Variants in TSC22D3 observed in about 807,000 individuals in gnomAD.
The protein encoded by TSC22D3 is TSC22 domain family member 3.
In TSC22D3, 4 loss-of-function variants were observed where a neutral mutation model predicts 11.1. That is an observed-to-expected ratio of 0.36 (90% CI 0.18 to 0.83). The LOEUF (loss-of-function observed/expected upper bound fraction) is 0.83, where lower values mean the gene tolerates loss of function less well. TSC22D3 is among the 40% of genes least tolerant of loss of function. TSC22D3 has a pLI of 0.48. For missense variants in TSC22D3, 118 were observed against 159.4 expected, an observed-to-expected ratio of 0.74 and a Z score of 1.40; for synonymous variants, 77 against 70.3, an observed-to-expected ratio of 1.10 and a Z score of -0.48.
At chrX:107,737,709 A>C (rs1928209247) in intron 1 of TSC22D3, among the ~76,000 whole-genome samples, 1 of 111,966 alleles carries the variant, frequency 8.9e-6, no homozygotes, top group African/African-American at 3.3e-5. Context: ...GATTCATTTG[A>C]CAAAAATTTA....
At chrX:107,752,605 C>G (rs1005277948) in intron 1 of TSC22D3, among the ~76,000 whole-genome samples, 8 of 111,990 alleles carry the variant, frequency 7.1e-5, no homozygotes. Flanking sequence ...TGGACTTTCT[C>G]GTAGCCTGTC....
intron 1 of TSC22D3, among the ~76,000 whole-genome samples, chrX:107,757,018 G>A (rs1929209204): frequency 8.9e-6 from 1 of 112,352 alleles, no homozygotes; most frequent in South Asian, 3.6e-4. Context: ...AGACAAAAGA[G>A]GCCTTCAGTG....
chrX:107,726,814 T>C (rs1927651337), intron 1 of TSC22D3, among the ~76,000 whole-genome samples: 1 of 111,225 alleles, frequency 9.0e-6, no homozygotes, highest in East Asian at 2.8e-4. Context: ...CCAAAGCTCA[T>C]ACACCTTAAA....
At chrX:107,753,423 C>T (rs370875250) in intron 1 of TSC22D3, among the ~76,000 whole-genome samples, 2 of 111,228 alleles carry the variant, frequency 1.8e-5, no homozygotes. Context: ...AAGAGGCTGC[C>T]GTGCCCCTTC....
At chrX:107,718,396 A>G (rs1927167390) in intron 1 of TSC22D3, among the ~76,000 whole-genome samples, 1 of 113,043 alleles carries the variant, frequency 8.8e-6, no homozygotes, top group Non-Finnish European at 1.9e-5. Context: ...AGTTAAGGCC[A>G]GTACCCATGA....
At chrX:107,722,698 C>G (rs1000318293) in intron 1 of TSC22D3, among the ~76,000 whole-genome samples, 1 of 111,302 alleles carries the variant, frequency 9.0e-6, no homozygotes, top group Admixed American at 9.5e-5. Flanking sequence ...TCCAAGCCCT[C>G]CTCTTATTTT....
intron 1 of TSC22D3, among the ~76,000 whole-genome samples, chrX:107,752,359 T>A (rs779065562): frequency 2.7e-5 from 3 of 112,143 alleles, no homozygotes; most frequent in African/African-American, 9.7e-5. Context: ...ATACAGGGAC[T>A]TTGTGCTGGT....
intron 1 of TSC22D3, among the ~76,000 whole-genome samples, chrX:107,722,501 T>C (rs1300143991): frequency 8.9e-6 from 1 of 112,267 alleles, no homozygotes; most frequent in Non-Finnish European, 1.9e-5. Context: ...CTAACTTTGG[T>C]GGCTCACCAT....
At chrX:107,722,634 T>A (rs1038864651) in intron 1 of TSC22D3, among the ~76,000 whole-genome samples, 1 of 111,787 alleles carries the variant, frequency 8.9e-6, no homozygotes, top group Admixed American at 9.4e-5. Flanking sequence ...ATATTTATGC[T>A]TGTCTCCCTT....
chrX:107,759,695 T>A (rs1275033947), intron 1 of TSC22D3, among the ~76,000 whole-genome samples: 1 of 112,748 alleles, frequency 8.9e-6, no homozygotes, highest in Non-Finnish European at 1.9e-5. Flanking sequence ...ATCTCACAGC[T>A]GCCCAAGCCT....
intron 1 of TSC22D3, among the ~76,000 whole-genome samples, chrX:107,767,786 A>C (rs1423827390): frequency 8.9e-6 from 1 of 112,081 alleles, no homozygotes; most frequent in African/African-American, 3.2e-5. Context: ...TTTTCTGCCA[A>C]AGCTGTGGTG....
intron 2 of TSC22D3, among the ~76,000 whole-genome samples, chrX:107,715,244 C>T (rs1280214041): frequency 1.8e-5 from 2 of 112,176 alleles, no homozygotes; most frequent in African/African-American, 3.2e-5. Context: ...TGACCCAGCA[C>T]ATTGAATTGC....
intron 1 of TSC22D3, 167 bp downstream of exon 1, chrX:107,774,933 G>C (rs1043127024): frequency 5.5e-6 from 3 of 542,273 alleles, no homozygotes; most frequent in Non-Finnish European, 8.8e-6. Context: ...CCTCCCCTCA[G>C]CTCCGCGGTA....
rs1309090398 is a variant in TSC22D3, at chrX:107,750,466, GA to G, written c.320+24633del. On this transcript the variant is annotated intron_variant, in intron 1 of 2. Coordinates refer to ENST00000372383, the MANE Select transcript of TSC22D3 (RefSeq NM_198057.3). ...GAAGCTGAGCAGAGGAGGAATGCTG[GA>G]AGTGGCGGGCAAGAAGGCAAAGCGA... Among the ~76,000 whole-genome samples, 3 of 111,443 alleles carry G rather than the reference GA, an allele frequency of 2.7e-5. No homozygotes were observed. In the Admixed American group the frequency reaches 2.9e-4, roughly 11 times the overall value.
At chrX:107,752,459 AGG>A (rs1476390935) in intron 1 of TSC22D3, among the ~76,000 whole-genome samples, 1 of 111,681 alleles carries the variant, frequency 9.0e-6, no homozygotes, top group East Asian at 2.8e-4. Flanking sequence ...CTTCCAGAGG[AGG>A]GGAATGGTGA....
intron 1 of TSC22D3, chrX:107,716,545 T>TGGC: frequency 2.0e-5 from 16 of 795,077 alleles, no homozygotes; most frequent in Non-Finnish European, 2.1e-5. Flanking sequence ...CCTTCCTGCG[T>TGGC]CCCCTCCCCC....
chrX:107,757,882 A>T (rs906586811), intron 1 of TSC22D3, among the ~76,000 whole-genome samples: 2 of 111,068 alleles, frequency 1.8e-5, no homozygotes, highest in African/African-American at 3.3e-5. Flanking sequence ...TCTACAAAAA[A>T]TACACACAAA....
chrX:107,723,311 G>A (rs1181291852), intron 1 of TSC22D3, among the ~76,000 whole-genome samples: 1 of 112,366 alleles, frequency 8.9e-6, no homozygotes, highest in Non-Finnish European at 1.9e-5. Flanking sequence ...TGTAAAGCAA[G>A]GGAACAAGGC....
intron 1 of TSC22D3, among the ~76,000 whole-genome samples, chrX:107,732,737 C>G (rs1160388089): frequency 9.0e-6 from 1 of 110,774 alleles, no homozygotes; most frequent in Admixed American, 9.6e-5. Flanking sequence ...ACTCATTAGG[C>G]CAATTCTGGA....
Sources: allele counts gnomAD v4.1 joint callset (sites outside exome capture counted in the v4.1 genomes callset), GRCh38; gene constraint gnomAD v4.1.1; transcripts MANE v1.5; gene names NCBI Gene and HGNC (gene_info 2026-07-23, HGNC 2026-07-21).